Variants in CREB5 observed in about 807,000 individuals in gnomAD.
CREB5 encodes the protein cAMP responsive element binding protein 5, also known as cyclic AMP-responsive element-binding protein 5.
In CREB5, 19 loss-of-function variants were observed where a neutral mutation model predicts 57.1. The ratio of observed to expected loss-of-function variants is 0.33; its 90% CI spans 0.23 to 0.49. The LOEUF is 0.49. Ranked by LOEUF, CREB5 falls within the 20% of genes least tolerant of loss-of-function variation. The pLI, the probability that CREB5 is intolerant of heterozygous loss-of-function variation, is 0.99. For missense variants in CREB5, 579 were observed against 671.6 expected (o/e 0.86, Z 1.52); for synonymous variants, 238 against 238.3 (o/e 1.00, Z 0.01).
At chr7:28,683,856 T>C (rs879669646) in intron 5 of CREB5, among the ~76,000 whole-genome samples, 1 of 152,182 alleles carries the variant, frequency 6.6e-6, no homozygotes, top group African/African-American at 2.4e-5. Flanking sequence ...TCTAATGTGG[T>C]ATAAGGAAAA....
intron 7 of CREB5, among the ~76,000 whole-genome samples, chr7:28,802,065 C>T (rs1221996769): frequency 9.0e-6 from 1 of 111,494 alleles, no homozygotes; most frequent in Non-Finnish European, 1.7e-5. Flanking sequence ...GGCGACACAG[C>T]GAGACTCCAT....
intron 1 of CREB5, among the ~76,000 whole-genome samples, chr7:28,449,342 G>T (rs1789669776): frequency 6.6e-6 from 1 of 152,292 alleles, no homozygotes; most frequent in African/African-American, 2.4e-5. Context: ...CAGCTCAGTT[G>T]TCCTGTGCCT....
At chr7:28,648,399 G>A (rs1798976207) in intron 5 of CREB5, among the ~76,000 whole-genome samples, 1 of 152,068 alleles carries the variant, frequency 6.6e-6, no homozygotes, top group Admixed American at 6.6e-5. Context: ...AGGCTGTATT[G>A]CCCTCGACGC....
At chr7:28,635,677 C>T (rs1056495876) in intron 5 of CREB5, among the ~76,000 whole-genome samples, 8 of 152,212 alleles carry the variant, frequency 5.3e-5, no homozygotes, top group Admixed American at 6.5e-5. Flanking sequence ...CATCATCTAT[C>T]TATGTTAATT....
chr7:28,707,337 A>G (rs1051400902), intron 5 of CREB5, among the ~76,000 whole-genome samples: 3 of 152,256 alleles, frequency 2.0e-5, no homozygotes, highest in African/African-American at 7.2e-5. Context: ...CTCTAAAGTC[A>G]TTCTCATGCC....
At chr7:28,711,552 C>T (rs1006870407) in intron 5 of CREB5, among the ~76,000 whole-genome samples, 1 of 152,184 alleles carries the variant, frequency 6.6e-6, no homozygotes, top group Non-Finnish European at 1.5e-5. Flanking sequence ...AAATATGGGT[C>T]AGGCAGCTTT....
At chr7:28,609,745 C>T (rs1425959752) in intron 5 of CREB5, among the ~76,000 whole-genome samples, 5 of 152,180 alleles carry the variant, frequency 3.3e-5, no homozygotes, top group Admixed American at 6.5e-5. Context: ...CTGCAAAGGT[C>T]GTGTACTTGT....
At chr7:28,600,072 T>G (rs1796855480) in intron 5 of CREB5, among the ~76,000 whole-genome samples, 1 of 152,054 alleles carries the variant, frequency 6.6e-6, no homozygotes, top group Non-Finnish European at 1.5e-5. Context: ...ATTGTGGGGA[T>G]TCCTGCTTCC....
chr7:28,684,410 G>A (rs1800748231), intron 5 of CREB5, among the ~76,000 whole-genome samples: 1 of 152,226 alleles, frequency 6.6e-6, no homozygotes, highest in African/African-American at 2.4e-5. Flanking sequence ...CCAAAGGGCA[G>A]CTTGCTGGAG....
intron 5 of CREB5, among the ~76,000 whole-genome samples, chr7:28,635,546 C>T (rs570767407): frequency 6.6e-6 from 1 of 152,340 alleles, no homozygotes; most frequent in African/African-American, 2.4e-5. Flanking sequence ...ACTAGAATGT[C>T]TGCCTCAGCT....
intron 1 of CREB5, among the ~76,000 whole-genome samples, chr7:28,391,579 A>G (rs1562688445): frequency 6.6e-6 from 1 of 152,180 alleles, no homozygotes; most frequent in Non-Finnish European, 1.5e-5. Flanking sequence ...TTGCTGTGAT[A>G]TAAGATCTAC....
At chr7:28,495,457 G>A (rs982025182) in intron 3 of CREB5, among the ~76,000 whole-genome samples, 4 of 151,660 alleles carry the variant, frequency 2.6e-5, no homozygotes, top group Non-Finnish European at 4.4e-5. Context: ...CATGAGAATC[G>A]CTTGGACCCG....
intron 5 of CREB5, among the ~76,000 whole-genome samples, chr7:28,700,594 G>A (rs1801803568): frequency 6.6e-6 from 1 of 152,154 alleles, no homozygotes; most frequent in South Asian, 2.1e-4. Context: ...AAAGTTAGGT[G>A]GGACTAAAAT....
intron 5 of CREB5, among the ~76,000 whole-genome samples, chr7:28,581,819 G>C (rs1051380523): frequency 1.3e-5 from 2 of 152,204 alleles, no homozygotes; most frequent in African/African-American, 4.8e-5. Context: ...AGAAGCAAGG[G>C]AGGCGCCATG....
At chr7:28,413,513 C>A (rs908961427) in intron 1 of CREB5, among the ~76,000 whole-genome samples, 8 of 152,040 alleles carry the variant, frequency 5.3e-5, no homozygotes, top group African/African-American at 1.7e-4. Flanking sequence ...ATTTTTAAAT[C>A]CTTACTGATT....
intron 6 of CREB5, among the ~76,000 whole-genome samples, chr7:28,720,816 C>G (rs1802992361): frequency 6.6e-6 from 1 of 152,118 alleles, no homozygotes; most frequent in Non-Finnish European, 1.5e-5. Context: ...TTAAGTTGTT[C>G]CCATCCAAAA....
At chr7:28,765,009 G>A (rs894367712) in intron 7 of CREB5, among the ~76,000 whole-genome samples, 7 of 152,192 alleles carry the variant, frequency 4.6e-5, no homozygotes, top group African/African-American at 1.2e-4. Context: ...CTCTGCTTAT[G>A]CAGCCATGAA....
intron 4 of CREB5, among the ~76,000 whole-genome samples, chr7:28,559,296 A>G (rs1350382599): frequency 6.6e-6 from 1 of 152,150 alleles, no homozygotes; most frequent in Non-Finnish European, 1.5e-5. Flanking sequence ...AACTCAAATC[A>G]GCATATAGGT....
intron 1 of CREB5, among the ~76,000 whole-genome samples, chr7:28,309,461 T>G (rs979730170): frequency 2.0e-5 from 3 of 152,166 alleles, no homozygotes; most frequent in Non-Finnish European, 4.4e-5. Context: ...TGTGTCCACT[T>G]TCCTCTGTAT....
Sources: allele counts gnomAD v4.1 joint callset (sites outside exome capture counted in the v4.1 genomes callset), GRCh38; gene constraint gnomAD v4.1.1; transcripts MANE v1.5; gene names NCBI Gene and HGNC (gene_info 2026-07-23, HGNC 2026-07-21).